RANBP17: variants seen among roughly 807,000 people sequenced by gnomAD.
RANBP17 encodes RAN binding protein 17.
Under a neutral mutation model 141.2 loss-of-function variants are expected in RANBP17, and 158 were observed. That is an observed-to-expected ratio of 1.12 (90% CI 0.98 to 1.28). The LOEUF (loss-of-function observed/expected upper bound fraction) is 1.28. RANBP17 is among the 50% of genes most tolerant of loss of function. The pLI is 0.00. For synonymous variants in RANBP17, 430 were observed against 450.0 expected (o/e 0.96, Z 0.56); for missense variants, 1,438 against 1,290.7 (o/e 1.11, Z -1.75).
intron 14 of RANBP17, among the ~76,000 whole-genome samples, chr5:171,047,755 A>G (rs1168604657): frequency 6.6e-6 from 1 of 152,048 alleles, no homozygotes; most frequent in Non-Finnish European, 1.5e-5. Flanking sequence ...AGTTTTGAGA[A>G]TACTTTATAT....
chr5:171,281,111 G>A (rs1272373457), intron 25 of RANBP17, among the ~76,000 whole-genome samples: 1 of 152,122 alleles, frequency 6.6e-6, no homozygotes, highest in African/African-American at 2.4e-5. Context: ...CTTTAGTTAA[G>A]ACTCACTGTC....
chr5:170,920,506 ATTTTC>A (rs1265521205), intron 11 of RANBP17, among the ~76,000 whole-genome samples: 1 of 93,650 alleles, frequency 1.1e-5, no homozygotes, highest in Non-Finnish European at 2.4e-5. Context: ...TGGGTTGTAT[ATTTTC>A]TTTTTTTTTT....
intron 18 of RANBP17, among the ~76,000 whole-genome samples, chr5:171,185,767 C>T (rs527619332): frequency 5.4e-4 from 83 of 152,338 alleles, no homozygotes; most frequent in African/African-American, 1.9e-3. Flanking sequence ...GAATCAACTT[C>T]TTCCAAATTC....
chr5:171,205,213 G>C lies in RANBP17; in HGVS notation c.2143-311G>C, dbSNP rs77632061. Among the ~76,000 whole-genome samples, 309 of 152,212 alleles carry C rather than the reference G, an allele frequency of 2.0e-3. 2 individuals carry two copies. The highest frequency in any genetic ancestry group is 7.2e-3 in the African/African-American group (300 of 41,526). On this transcript the variant is annotated intron_variant, in intron 19 of 27. Transcript: ENST00000523189. Reference sequence around the variant, plus strand: ...TCTAGACCCTGTACATATCTGTTTTGTGTAATTATCAATCCTCATCTTTTT... The same window carrying C: ...TCTAGACCCTGTACATATCTGTTTTCTGTAATTATCAATCCTCATCTTTTT...
At chr5:171,057,093 A>C (rs996944911) in intron 14 of RANBP17, among the ~76,000 whole-genome samples, 13 of 152,194 alleles carry the variant, frequency 8.5e-5, no homozygotes, top group African/African-American at 2.4e-4. Flanking sequence ...GATTCATATA[A>C]ACCTTTTATA....
At chr5:170,966,225 G>C (rs939183002) in intron 13 of RANBP17, among the ~76,000 whole-genome samples, 1 of 151,866 alleles carries the variant, frequency 6.6e-6, no homozygotes, top group South Asian at 2.1e-4. Flanking sequence ...CCAAAGCCGG[G>C]CAGAGACACA....
At chr5:171,067,766 A>G (rs905361188) in intron 14 of RANBP17, among the ~76,000 whole-genome samples, 11 of 152,014 alleles carry the variant, frequency 7.2e-5, no homozygotes, top group African/African-American at 2.7e-4. Context: ...AGTCTTATTG[A>G]GAATCTTTGT....
intron 22 of RANBP17, among the ~76,000 whole-genome samples, chr5:171,237,468 A>G (rs569237058): frequency 2.0e-4 from 31 of 152,280 alleles, no homozygotes; most frequent in African/African-American, 7.0e-4. Flanking sequence ...CAGGTTAATC[A>G]TTCAATTCAC....
intron 14 of RANBP17, among the ~76,000 whole-genome samples, chr5:171,159,475 G>A (rs1479703976): frequency 2.6e-5 from 4 of 152,168 alleles, no homozygotes; most frequent in Admixed American, 2.0e-4. Flanking sequence ...TAGTGTCAGA[G>A]ATCAGTAATA....
rs147660041 is a variant in RANBP17 at position 171,129,621 on chromosome 5, C to T, written c.1711-40509C>T. 2.6e-5 allele frequency among the ~76,000 whole-genome samples: 4 copies of T among 152,304 alleles called. No individual in the cohort carries two copies. The East Asian group carries it at 7.7e-4, about 29-fold the overall frequency. ...AAATCATGTCTAATGGGACTGTTAA[C>T]CAGTGGCCACCAAAGCTACCATTTC... On this transcript the variant is annotated intron_variant, in intron 14 of 27. Coordinates refer to ENST00000523189, the MANE Select transcript of RANBP17 (RefSeq NM_022897.5).
At chr5:170,880,879 G>A (rs1418995293) in intron 2 of RANBP17, among the ~76,000 whole-genome samples, 2 of 152,146 alleles carry the variant, frequency 1.3e-5, no homozygotes, top group Non-Finnish European at 2.9e-5. Context: ...GGCTCTCTAG[G>A]CACTGTAGAG....
rs149556333 is a variant in RANBP17 at position 171,033,757 on chromosome 5, A to G, written c.1710+65380A>G. ...CTGTTGAGTCTTGTTTATGAGTTAT[A>G]ACATTGAGAGCATAATATGAACAGT... is the stretch of plus-strand genomic sequence containing the variant. On this transcript the variant is annotated intron_variant, in intron 14 of 27. Transcript: ENST00000523189. Among the ~76,000 whole-genome samples the G allele has an allele frequency of 3.9e-3, 600 of 152,256 alleles. 17 individuals carry two copies. Among genetic ancestry groups the G allele is most frequent in the Admixed American group, 0.036 (546 of 15,278 alleles).
At chr5:170,945,799 A>G (rs1330140900) in intron 12 of RANBP17, among the ~76,000 whole-genome samples, 1 of 152,084 alleles carries the variant, frequency 6.6e-6, no homozygotes, top group Non-Finnish European at 1.5e-5. Context: ...TATTCATTTT[A>G]TGTGTCTTGT....
At chr5:171,265,144 G>A (rs193257986) in intron 24 of RANBP17, among the ~76,000 whole-genome samples, 6 of 152,278 alleles carry the variant, frequency 3.9e-5, no homozygotes, top group East Asian at 3.9e-4. Context: ...TGTTAAGGTC[G>A]CAGATGGAAA....
chr5:171,081,211 G>A (rs1044760999), intron 14 of RANBP17, among the ~76,000 whole-genome samples: 3 of 152,046 alleles, frequency 2.0e-5, no homozygotes. Context: ...CTATTTCTTC[G>A]GTAGTGGTAT....
intron 16 of RANBP17, among the ~76,000 whole-genome samples, chr5:171,172,535 C>T (rs1405664175): frequency 6.6e-6 from 1 of 150,790 alleles, no homozygotes; most frequent in Non-Finnish European, 1.5e-5. Context: ...AAAAACTCAA[C>T]CCATATTTTT....
intron 19 of RANBP17, among the ~76,000 whole-genome samples, chr5:171,200,298 A>G (rs1762228187): frequency 6.6e-6 from 1 of 152,234 alleles, no homozygotes; most frequent in Admixed American, 6.5e-5. Flanking sequence ...TGATAGCTAA[A>G]TAAGGTTTTT....
chr5:170,932,452 G>A (rs1773472545), intron 12 of RANBP17, among the ~76,000 whole-genome samples: 2 of 152,212 alleles, frequency 1.3e-5, no homozygotes, highest in Non-Finnish European at 2.9e-5. Context: ...ATGTTGAATA[G>A]GAGTGGTGAG....
chr5:171,168,565 A>G (rs1188898372), intron 14 of RANBP17, among the ~76,000 whole-genome samples: 2 of 152,150 alleles, frequency 1.3e-5, no homozygotes, highest in Non-Finnish European at 2.9e-5. Context: ...TGTTCTACAT[A>G]TCATTCTTCA....
Sources: gnomAD v4.1 joint callset for allele counts (sites outside exome capture counted in the v4.1 genomes callset) on GRCh38, gnomAD v4.1.1 for gene constraint, MANE v1.5 for transcripts, NCBI Gene and HGNC (gene_info 2026-07-23, HGNC 2026-07-21) for gene names.